PAK1: variants seen among roughly 807,000 people sequenced by gnomAD.
The protein encoded by PAK1 is serine/threonine-protein kinase PAK 1.
PAK1 carries 29 observed loss-of-function variants against 67.4 expected under a neutral mutation model. The ratio of observed to expected loss-of-function variants is 0.43; its 90% CI spans 0.32 to 0.59. The LOEUF (loss-of-function observed/expected upper bound fraction) is 0.59, where lower values mean the gene tolerates loss of function less well. PAK1 is among the 20% of genes least tolerant of loss of function. The pLI is 0.07. For synonymous variants in PAK1, 223 were observed against 237.4 expected (o/e 0.94, Z 0.56); for missense variants, 337 against 670.7 (o/e 0.50, Z 5.50).
At chr11:77,461,334 G>A (rs1407021825) in intron 1 of PAK1, among the ~76,000 whole-genome samples, 1 of 152,178 alleles carries the variant, frequency 6.6e-6, no homozygotes, top group East Asian at 1.9e-4. Flanking sequence ...TGCTGGGAAG[G>A]TATTTTGCAG....
At chr11:77,412,342 A>G (rs904368573) in intron 1 of PAK1, among the ~76,000 whole-genome samples, 1 of 152,130 alleles carries the variant, frequency 6.6e-6, no homozygotes, top group African/African-American at 2.4e-5. Flanking sequence ...CAAACGTGCC[A>G]GGTTCTAATT....
the PAK1 span, among the ~76,000 whole-genome samples, chr11:77,487,267 AC>A: frequency 1.3e-3 from 191 of 152,300 alleles, 2 homozygotes; most frequent in Middle Eastern, 6.8e-3. Flanking sequence ...TCATCTGCTG[AC>A]TATACAGTCC....
At chr11:77,428,868 C>G (rs983871771) in intron 1 of PAK1, among the ~76,000 whole-genome samples, 2 of 150,828 alleles carry the variant, frequency 1.3e-5, no homozygotes, top group Non-Finnish European at 3.0e-5. Flanking sequence ...GGAAGAGCAC[C>G]CTGCTATAGG....
chr11:77,476,496 A>G (rs1345855651), upstream of PAK1: 1 of 148,562 alleles, frequency 6.7e-6, no homozygotes, highest in African/African-American at 2.4e-5. Context: ...AGGACTCTGC[A>G]GATGTGAGTA....
chr11:77,459,473 T>C (rs1042687476), intron 1 of PAK1, among the ~76,000 whole-genome samples: 1 of 152,228 alleles, frequency 6.6e-6, no homozygotes, highest in Non-Finnish European at 1.5e-5. Context: ...CAAGAGCTTA[T>C]TCATTCTGCA....
intron 14 of PAK1, among the ~76,000 whole-genome samples, chr11:77,331,779 A>C (rs1383010976): frequency 6.9e-6 from 1 of 144,626 alleles, no homozygotes; most frequent in Non-Finnish European, 1.5e-5. Context: ...AAAACTTAAA[A>C]GTATAATAAT....
intron 1 of PAK1, among the ~76,000 whole-genome samples, chr11:77,450,501 T>C (rs1001705881): frequency 1.3e-5 from 2 of 152,154 alleles, no homozygotes; most frequent in Admixed American, 6.5e-5. Context: ...ATCCTTATGA[T>C]TAAAGACTAG....
At position 77,407,260 on chromosome 11, in the gene PAK1, A is replaced by T. The variant is rs562822918; in HGVS notation, c.-21-14719T>A. Among the ~76,000 whole-genome samples the T allele has an allele frequency of 3.3e-5, 5 of 152,228 alleles. No homozygotes were observed. In the East Asian group the frequency reaches 9.7e-4, roughly 29 times the overall value. On this transcript the variant is annotated intron_variant, in intron 1 of 14. Transcript: ENST00000356341. The stretch of plus-strand genomic sequence containing the variant: ...ACTAAAAGTATCTTTTATAATTGCC[A>T]CCTACTATCTGTTCGACCTTAAATA...
intron 1 of PAK1, among the ~76,000 whole-genome samples, chr11:77,403,918 A>G (rs1400832089): frequency 6.6e-6 from 1 of 152,170 alleles, no homozygotes; most frequent in Non-Finnish European, 1.5e-5. Context: ...TGAATGGATT[A>G]ATGTCATTAT....
At chr11:77,472,488 T>C (rs965352694) in intron 1 of PAK1, among the ~76,000 whole-genome samples, 3 of 152,322 alleles carry the variant, frequency 2.0e-5, no homozygotes, top group East Asian at 1.9e-4. Flanking sequence ...CAGTGGACTC[T>C]TGAAAGCTGA....
the PAK1 span, among the ~76,000 whole-genome samples, chr11:77,490,329 T>G: frequency 7.3e-5 from 7 of 96,256 alleles, no homozygotes; most frequent in African/African-American, 9.6e-5. Context: ...GGGAGGGAGG[T>G]GGGGGGGTCA....
At chr11:77,508,591 A>G in the PAK1 span, among the ~76,000 whole-genome samples, 2 of 152,072 alleles carry the variant, frequency 1.3e-5, no homozygotes, top group Middle Eastern at 3.4e-3. Context: ...TCGTGGTCTC[A>G]TAAGTGGGCA....
At position 77,368,536 on chromosome 11, in the gene PAK1, A is replaced by C. The variant is rs187147790; in HGVS notation, c.477+5792T>G. 4.6e-5 allele frequency among the ~76,000 whole-genome samples: 7 copies of C among 152,346 alleles called. No individual in the cohort carries two copies. In the South Asian group the frequency reaches 8.3e-4, roughly 18 times the overall value. ...GTAGGCGTGGCATAGAAAAAATAGG[A>C]ATACCAACACAAAAATGCAAAGGGA... is the stretch of plus-strand genomic sequence containing the variant. On this transcript the variant is annotated intron_variant, in intron 5 of 14. Coordinates refer to ENST00000356341, the MANE Select transcript of PAK1 (RefSeq NM_002576.5).
At chr11:77,441,613 C>T (rs768490923) in intron 1 of PAK1, among the ~76,000 whole-genome samples, 2 of 152,162 alleles carry the variant, frequency 1.3e-5, no homozygotes, top group African/African-American at 2.4e-5. Context: ...TTTAACACTT[C>T]CTTGTTATAC....
intron 13 of PAK1, among the ~76,000 whole-genome samples, chr11:77,334,244 C>T (rs925577722): frequency 1.3e-5 from 2 of 152,034 alleles, no homozygotes; most frequent in African/African-American, 4.8e-5. Context: ...TTATTTCCAA[C>T]ATATCCCAGC....
At chr11:77,515,899 C>T in the PAK1 span, among the ~76,000 whole-genome samples, 1 of 152,138 alleles carries the variant, frequency 6.6e-6, no homozygotes, top group Non-Finnish European at 1.5e-5. Context: ...TCCAAGTTGA[C>T]TTCATTTCTC....
At chr11:77,413,102 CAG>C (rs1471949924) in intron 1 of PAK1, among the ~76,000 whole-genome samples, 1 of 152,208 alleles carries the variant, frequency 6.6e-6, no homozygotes, top group Non-Finnish European at 1.5e-5. Flanking sequence ...TGACAGAAGT[CAG>C]ATTATGCGGT....
At chr11:77,493,445 A>ATTT in the PAK1 span, among the ~76,000 whole-genome samples, 387 of 70,934 alleles carry the variant, frequency 5.5e-3, 35 homozygotes, top group South Asian at 0.024. Context: ...TGCCCAGCTA[A>ATTT]TTTTTTTTTT....
At chr11:77,490,295 C>CCCCCCCCGG in the PAK1 span, among the ~76,000 whole-genome samples, 201 of 148,018 alleles carry the variant, frequency 1.4e-3, 13 homozygotes, top group African/African-American at 4.6e-3. Context: ...GGTCAGCCCC[C>CCCCCCCCGG]CCACCCGGCC....
Sources: allele counts gnomAD v4.1 joint callset (sites outside exome capture counted in the v4.1 genomes callset), GRCh38; gene constraint gnomAD v4.1.1; transcripts MANE v1.5; gene names NCBI Gene and HGNC (gene_info 2026-07-23, HGNC 2026-07-21).